The following ABCG8 variants were observed in gnomAD, a reference collection of about 807,000 sequenced individuals.
The protein encoded by ABCG8 is ATP binding cassette subfamily G member 8.
In ABCG8, 81 loss-of-function variants were observed where a neutral mutation model predicts 71.3. That is an observed-to-expected ratio of 1.14 (90% CI 0.95 to 1.37). The LOEUF (loss-of-function observed/expected upper bound fraction) is 1.37. Among genes scored for constraint, ABCG8 ranks in the 40% most tolerant of loss-of-function variants. ABCG8 has a pLI of 0.00. For synonymous variants in ABCG8, 451 were observed against 354.7 expected (o/e 1.27, Z -3.05); for missense variants, 1,119 against 866.2 (o/e 1.29, Z -3.66).
At chr2:43,849,555 G>T (rs1312173252) in intron 3 of ABCG8, among the ~76,000 whole-genome samples, 1 of 152,088 alleles carries the variant, frequency 6.6e-6, no homozygotes, top group African/African-American at 2.4e-5. Context: ...ATTCGGGTGG[G>T]GACACAGAGC....
chr2:43,856,115 A>T (rs1387039124), intron 6 of ABCG8, among the ~76,000 whole-genome samples: 3 of 149,340 alleles, frequency 2.0e-5, no homozygotes. Context: ...GAATTCTCAC[A>T]CTCTGGGTAG....
intron 6 of ABCG8, among the ~76,000 whole-genome samples, chr2:43,868,775 T>A (rs761114904): frequency 1.3e-5 from 2 of 151,896 alleles, no homozygotes; most frequent in Non-Finnish European, 2.9e-5. Flanking sequence ...ACTCTGACAA[T>A]GTATCTGGAT....
chr2:43,854,626 CAA>C (rs759609173), intron 6 of ABCG8, among the ~76,000 whole-genome samples: 5 of 74,730 alleles, frequency 6.7e-5, no homozygotes, highest in African/African-American at 1.1e-4. Flanking sequence ...GACTCCATCT[CAA>C]AAAAAAAAAA....
chr2:43,856,331 TCCC>T (rs1558818662), intron 6 of ABCG8, among the ~76,000 whole-genome samples: 1 of 151,420 alleles, frequency 6.6e-6, no homozygotes, highest in Non-Finnish European at 1.5e-5. Context: ...GAACTCTCAC[TCCC>T]TGTCTGGATA....
chr2:43,872,038 C>A lies in ABCG8; in HGVS notation c.1027C>A (p.Gln343Lys). The A allele has an allele frequency of 6.2e-7, 1 of 1,614,094 alleles. No homozygotes were observed. The highest frequency in any genetic ancestry group is 1.7e-5 in the Admixed American group (1 of 60,022). The stretch of plus-strand genomic sequence containing the variant: ...GGAATTGGCCACCAGGGAGAAGGCT[C>A]AGTCACTCGCAGCCCTGTTTCTAGA... ...EQELATREKA[Q>K]SLAALFLEKV... Residue 343 changes from glutamine to lysine, a missense_variant, in exon 7 of 13, where the codon CAG (glutamine) becomes AAG (lysine). By Grantham distance (53) the Gln-to-Lys change is moderately conservative. Coordinates refer to ENST00000272286, the MANE Select transcript of ABCG8 (RefSeq NM_022437.3).
chr2:43,882,224 A>G lies in ABCG8; in HGVS notation c.*4311A>G, dbSNP rs919567063. Reference sequence around the variant, plus strand: ...ATCTTGCCCTGGGTTAAACCAGTCTACAGAGGTAGATCTCGCATTTGCTTT... The same window carrying G: ...ATCTTGCCCTGGGTTAAACCAGTCTGCAGAGGTAGATCTCGCATTTGCTTT... On this transcript the variant is annotated 3_prime_UTR_variant, in exon 13 of 13. Transcript: ENST00000272286. 1 of 152,240 alleles carries G rather than the reference A, an allele frequency of 6.6e-6. No individual in the cohort carries two copies. Among genetic ancestry groups the G allele is most frequent in the East Asian group, 1.9e-4 (1 of 5,202 alleles). The allele number at this position is 152,240 out of a possible 1,614,324, so 9.4% of individuals were successfully genotyped here.
In ABCG8 at chr2:43,846,228, G is replaced by A. The variant is rs80025980; in HGVS notation, c.239G>A (p.Cys80Tyr). ...QFKMPWTSPS[C>Y]QNSCELGIQN... ...AAGATGCCCTGGACATCTCCCAGCT[G>A]CCAGAATTCTTGTGAGCTGGGCATC... Residue 80 changes from cysteine to tyrosine, a missense_variant, in exon 3 of 13, where the codon TGC becomes TAC. Physicochemically the swap from Cys to Tyr is radical, Grantham distance 194 (BLOSUM62 -2). Transcript: ENST00000272286. 4.2e-3 allele frequency: 6,791 copies of A among 1,614,124 alleles called. 244 individuals are homozygous for A. In the African/African-American group the frequency reaches 0.079, roughly 19 times the overall value.
chr2:43,856,784 C>G (rs1393074663), intron 6 of ABCG8, among the ~76,000 whole-genome samples: 1 of 151,584 alleles, frequency 6.6e-6, no homozygotes, highest in African/African-American at 2.4e-5. Flanking sequence ...AGATAAAACT[C>G]TCACTATCTA....
rs1280360230 is a variant in ABCG8, at chr2:43,880,960, A to T, written c.*3047A>T. The T allele has an allele frequency of 1.3e-5, 2 of 152,164 alleles. No homozygotes were observed. The highest frequency in any genetic ancestry group is 2.4e-5 in the African/African-American group (1 of 41,388). The allele number at this position is 152,164 out of a possible 1,614,324, so 9.4% of individuals were successfully genotyped here. ...CCCTGAGTCTGCAGCTGTCTTCCTCACACTCCCGTGGCCCACCACAACTTC... is the reference window on the plus strand; with the variant it reads ...CCCTGAGTCTGCAGCTGTCTTCCTCTCACTCCCGTGGCCCACCACAACTTC... On this transcript the variant is annotated 3_prime_UTR_variant, in exon 13 of 13. Coordinates refer to ENST00000272286, the MANE Select transcript of ABCG8 (RefSeq NM_022437.3).
chr2:43,870,719 G>T (rs987624097), intron 6 of ABCG8, among the ~76,000 whole-genome samples: 1 of 151,130 alleles, frequency 6.6e-6, no homozygotes, highest in Non-Finnish European at 1.5e-5. Flanking sequence ...CTCACTATCT[G>T]TCTGGAAAGA....
In ABCG8 at chr2:43,877,646, A is replaced by G. The variant is rs367755001; in HGVS notation, c.1842A>G (p.Lys614=). ...MKIQFSRRTY[K]MPLGNLTIAV... is the part of the protein sequence containing the mutation. ...TTCAGTTCAGCAGAAGAACTTATAAAATGCCTCTCGGGAACCTCACCATCG... is the reference window on the plus strand; with the variant it reads ...TTCAGTTCAGCAGAAGAACTTATAAGATGCCTCTCGGGAACCTCACCATCG... Residue 614 remains lysine, a synonymous_variant, in exon 12 of 13, where the codon AAA becomes AAG. Transcript: ENST00000272286. The G allele has an allele frequency of 3.1e-6, 5 of 1,614,010 alleles. No individual in the cohort carries two copies. The highest frequency in any genetic ancestry group is 2.7e-5 in the African/African-American group (2 of 74,878).
intron 3 of ABCG8, chr2:43,847,290 A>G (rs1441631180): frequency 2.6e-5 from 4 of 152,204 alleles, no homozygotes; most frequent in Non-Finnish European, 2.9e-5. Flanking sequence ...AGTTCTGTTT[A>G]CCGTATAACC....
Position 43,839,103 on chromosome 2 carries a change from C to T in ABCG8, c.50C>T (p.Pro17Leu). The stretch of plus-strand genomic sequence containing the variant: ...AGAGGGCTGCCGAAAGGGGCCACTC[C>T]CCAGGATACCTCGGTGAGTGAGCAA... ...EERGLPKGAT[P>L]QDTSGLQDRL... is the part of the protein sequence containing the mutation. Residue 17 changes from proline to leucine, a missense_variant, in exon 1 of 13, where the codon CCC becomes CTC. Physicochemically the swap from Pro to Leu is moderately conservative, Grantham distance 98. Transcript: ENST00000272286. 2 of 1,551,268 alleles carry T rather than the reference C, an allele frequency of 1.3e-6. No individual in the cohort carries two copies. Among genetic ancestry groups the T allele is most frequent in the East Asian group, 2.4e-5 (1 of 40,896 alleles).
rs1052240635 is a variant in ABCG8, at chr2:43,882,314, A to C, written c.*4401A>C. 5 of 152,218 alleles carry C rather than the reference A, an allele frequency of 3.3e-5. No individual in the cohort carries two copies. The highest frequency in any genetic ancestry group is 7.3e-5 in the Non-Finnish European group (5 of 68,040). 9.4% of individuals were successfully genotyped at this position (152,218 alleles called of 1,614,324 possible). A position where few individuals can be genotyped will look rare whatever the true frequency, so the allele number is the denominator to read the frequency against. On this transcript the variant is annotated 3_prime_UTR_variant, in exon 13 of 13. Coordinates refer to ENST00000272286, the MANE Select transcript of ABCG8 (RefSeq NM_022437.3). ...AAACAACTAGCAACAGAAATGTTCA[A>C]ATCTGTCAAATCCAAGTGTTAACAG...
At chr2:43,877,497 CGAATATGGGGAAACCATGA>C in intron 11 of ABCG8, 45 bp from the exon 12 acceptor site, 1 of 1,609,578 alleles carries the variant, frequency 6.2e-7, no homozygotes, top group South Asian at 1.1e-5. Context: ...GGAGACCATG[CGAATATGGGGAAACCATGA>C]GAATATGAGG....
intron 11 of ABCG8, among the ~76,000 whole-genome samples, chr2:43,876,126 C>G (rs1394638099): frequency 1.3e-5 from 2 of 152,180 alleles, no homozygotes; most frequent in Admixed American, 1.3e-4. Context: ...GCTGAGTCTC[C>G]TCAGCCCACA....
chr2:43,845,915 C>G (rs181708245), intron 2 of ABCG8, among the ~76,000 whole-genome samples: 2 of 152,324 alleles, frequency 1.3e-5, no homozygotes, highest in East Asian at 3.9e-4. Flanking sequence ...AGCCACCATG[C>G]CTGGCCTGTA....
intron 1 of ABCG8, among the ~76,000 whole-genome samples, chr2:43,841,087 C>A (rs577023264): frequency 6.6e-6 from 1 of 152,190 alleles, no homozygotes; most frequent in Non-Finnish European, 1.5e-5. Context: ...TGTGTGTGAC[C>A]TAGGCTGAAT....
intron 6 of ABCG8, among the ~76,000 whole-genome samples, chr2:43,862,943 A>G (rs1207913462): frequency 1.3e-5 from 2 of 151,442 alleles, no homozygotes; most frequent in South Asian, 2.1e-4. Flanking sequence ...CACTCTCTGG[A>G]TAGAACTCTT....
Sources: allele counts gnomAD v4.1 joint callset (sites outside exome capture counted in the v4.1 genomes callset), GRCh38; gene constraint gnomAD v4.1.1; transcripts MANE v1.5; gene names NCBI Gene and HGNC (gene_info 2026-07-23, HGNC 2026-07-21).